TMOD2: variants seen among roughly 807,000 people sequenced by gnomAD.
TMOD2 encodes the protein tropomodulin 2.
TMOD2 carries 22 observed loss-of-function variants against 39.9 expected under a neutral mutation model. The ratio of observed to expected loss-of-function variants is 0.55; its 90% CI spans 0.39 to 0.79. The LOEUF (loss-of-function observed/expected upper bound fraction) is 0.79. TMOD2 is among the 30% of genes least tolerant of loss of function. The pLI, the probability that TMOD2 is intolerant of heterozygous loss-of-function variation, is 0.00. For synonymous variants in TMOD2, 123 were observed against 146.1 expected (o/e 0.84, Z 1.14); for missense variants, 386 against 413.3 (o/e 0.93, Z 0.57).
intron 8 of TMOD2, among the ~76,000 whole-genome samples, chr15:51,801,622 A>G (rs1160474382): frequency 6.6e-6 from 1 of 152,186 alleles, no homozygotes; most frequent in Non-Finnish European, 1.5e-5. Flanking sequence ...GCTCCAGGTC[A>G]ATGTGCAGTG....
intron 6 of TMOD2, among the ~76,000 whole-genome samples, chr15:51,781,821 A>AGTGTGTGT (rs145808079): frequency 6.0e-5 from 9 of 149,674 alleles, no homozygotes; most frequent in Admixed American, 1.3e-4. Flanking sequence ...AGAGAGAGAG[A>AGTGTGTGT]GAGTGTGTGT....
At chr15:51,758,870 TG>T (rs1316052276) in intron 1 of TMOD2, among the ~76,000 whole-genome samples, 2 of 152,058 alleles carry the variant, frequency 1.3e-5, no homozygotes, top group African/African-American at 4.8e-5. Context: ...ACATAAGGCA[TG>T]ATCCAGGCAT....
rs1468750460 is a variant in TMOD2, at chr15:51,814,055, G to A, written c.*5601G>A. ...GAAGTTAGATACCAGCGATGTATAT[G>A]GTAGGACATTTTCCTGGGTCACTTT... On this transcript the variant is annotated 3_prime_UTR_variant, in exon 10 of 10. Transcript: ENST00000249700. 2 of 152,172 alleles carry A rather than the reference G, an allele frequency of 1.3e-5. No individual in the cohort carries two copies. The highest frequency in any genetic ancestry group is 2.4e-5 in the African/African-American group (1 of 41,412). 9.4% of individuals were successfully genotyped at this position (152,172 alleles called of 1,614,324 possible). A position where few individuals can be genotyped will look rare whatever the true frequency, so the allele number is the denominator to read the frequency against.
intron 8 of TMOD2, among the ~76,000 whole-genome samples, 176 bp downstream of exon 8, chr15:51,798,516 G>A (rs999918602): frequency 2.0e-5 from 3 of 152,216 alleles, no homozygotes; most frequent in African/African-American, 7.2e-5. Context: ...AGAAGAGCAT[G>A]TTACTAATCA....
Position 51,766,410 on chromosome 15 carries a change from G to C in TMOD2, c.-32G>C. The C allele has an allele frequency of 6.2e-7, 1 of 1,606,290 alleles. No homozygotes were observed. The highest frequency in any genetic ancestry group is 8.5e-7 in the Non-Finnish European group (1 of 1,175,536). ...TCAGGAAACTGGACCATTTAAATGT[G>C]CATGGCCCATGAGAAAGGCTTATAA... is the stretch of plus-strand genomic sequence containing the variant. On this transcript the variant is annotated 5_prime_UTR_variant, in exon 2 of 10. Coordinates refer to ENST00000249700, the MANE Select transcript of TMOD2 (RefSeq NM_014548.4).
At chr15:51,787,610 G>T (rs1049281334) in intron 7 of TMOD2, among the ~76,000 whole-genome samples, 9 of 152,374 alleles carry the variant, frequency 5.9e-5, no homozygotes, top group Admixed American at 4.6e-4. Flanking sequence ...GGGGCCGACA[G>T]ACACCTCATA....
intron 8 of TMOD2, among the ~76,000 whole-genome samples, chr15:51,798,565 A>T (rs1244521971): frequency 6.6e-6 from 1 of 152,246 alleles, no homozygotes; most frequent in Non-Finnish European, 1.5e-5. Context: ...ATAAAGAGCC[A>T]TCTATCCCAC....
intron 5 of TMOD2, among the ~76,000 whole-genome samples, chr15:51,779,857 T>C (rs1368159045): frequency 6.6e-6 from 1 of 152,082 alleles, no homozygotes; most frequent in Non-Finnish European, 1.5e-5. Flanking sequence ...ATTTTTAAAA[T>C]TTATTGTAGA....
intron 1 of TMOD2, among the ~76,000 whole-genome samples, chr15:51,759,976 G>A (rs1305122024): frequency 6.6e-6 from 1 of 152,188 alleles, no homozygotes; most frequent in Non-Finnish European, 1.5e-5. Context: ...CTGCTCTCCA[G>A]TTTCCTGCTA....
At chr15:51,761,291 C>A (rs570360034) in intron 1 of TMOD2, among the ~76,000 whole-genome samples, 1 of 152,052 alleles carries the variant, frequency 6.6e-6, no homozygotes, top group Admixed American at 6.6e-5. Flanking sequence ...AGGTGCTGAC[C>A]GGCTGGACTC....
chr15:51,798,365 A>C, intron 8 of TMOD2, 25 bp downstream of exon 8: 2 of 1,612,658 alleles, frequency 1.2e-6, no homozygotes, highest in Non-Finnish European at 1.7e-6. Context: ...AGAATAGGCA[A>C]AGTCAACTCA....
chr15:51,762,750 A>G (rs1177090724), intron 1 of TMOD2, among the ~76,000 whole-genome samples: 1 of 152,134 alleles, frequency 6.6e-6, no homozygotes, highest in Non-Finnish European at 1.5e-5. Context: ...TCTTTCTGTC[A>G]TATAAATTAG....
At chr15:51,777,834 A>G (rs2055899545) in intron 5 of TMOD2, among the ~76,000 whole-genome samples, 1 of 152,242 alleles carries the variant, frequency 6.6e-6, no homozygotes, top group Non-Finnish European at 1.5e-5. Flanking sequence ...ATGCAAGGAA[A>G]CAACAGGTGC....
chr15:51,764,373 AG>A (rs953138035), intron 1 of TMOD2, among the ~76,000 whole-genome samples: 8 of 152,218 alleles, frequency 5.3e-5, no homozygotes, highest in African/African-American at 1.9e-4. Flanking sequence ...TGCATGTGAA[AG>A]GGGTATCGAC....
intron 8 of TMOD2, among the ~76,000 whole-genome samples, chr15:51,806,117 A>G (rs1169627496): frequency 6.6e-6 from 1 of 152,240 alleles, no homozygotes; most frequent in Admixed American, 6.5e-5. Context: ...CCTTTCCTTC[A>G]TAAACAATTT....
At chr15:51,765,785 T>A (rs1250872269) in intron 1 of TMOD2, among the ~76,000 whole-genome samples, 1 of 152,152 alleles carries the variant, frequency 6.6e-6, no homozygotes, top group African/African-American at 2.4e-5. Context: ...GAGAGAGTGA[T>A]CATGTGGCCA....
At chr15:51,764,712 C>T (rs917124442) in intron 1 of TMOD2, among the ~76,000 whole-genome samples, 2 of 152,102 alleles carry the variant, frequency 1.3e-5, no homozygotes, top group South Asian at 2.1e-4. Flanking sequence ...GTAGCCATGC[C>T]GCCTGCTCTA....
At chr15:51,806,995 C>G (rs1378525581) in intron 9 of TMOD2, among the ~76,000 whole-genome samples, 1 of 152,224 alleles carries the variant, frequency 6.6e-6, no homozygotes, top group African/African-American at 2.4e-5. Context: ...GTCGCCTTTT[C>G]AGTTAGCCCC....
At chr15:51,760,529 GC>G (rs1420095890) in intron 1 of TMOD2, among the ~76,000 whole-genome samples, 1 of 152,172 alleles carries the variant, frequency 6.6e-6, no homozygotes, top group Non-Finnish European at 1.5e-5. Context: ...TCTGGGCTGG[GC>G]GTGGTGGCTC....
Sources: allele counts gnomAD v4.1 joint callset (sites outside exome capture counted in the v4.1 genomes callset), GRCh38; gene constraint gnomAD v4.1.1; transcripts MANE v1.5; gene names NCBI Gene and HGNC (gene_info 2026-07-23, HGNC 2026-07-21).